VPS45: variants seen among roughly 807,000 people sequenced by gnomAD.
VPS45 encodes the protein vacuolar protein sorting-associated protein 45.
A neutral mutation model predicts 75.9 loss-of-function variants in VPS45; 35 were observed. The ratio of observed to expected loss-of-function variants is 0.46; its 90% confidence interval spans 0.35 to 0.61. The LOEUF (loss-of-function observed/expected upper bound fraction) is 0.61, where lower values mean the gene tolerates loss of function less well. Ranked by LOEUF, VPS45 falls within the 20% of genes least tolerant of loss-of-function variation. The pLI is 0.00. For synonymous variants in VPS45, 220 were observed against 238.2 expected, an observed-to-expected ratio of 0.92 and a Z score of 0.70; for missense variants, 559 against 685.9, an observed-to-expected ratio of 0.81 and a Z score of 2.07.
upstream of VPS45, chr1:150,067,751 G>C: frequency 8.6e-7 from 1 of 1,165,742 alleles, no homozygotes; most frequent in Non-Finnish European, 1.3e-6. Flanking sequence ...CCCGGAAGCC[G>C]AATCCCGGCT....
At chr1:150,075,287 G>A (rs12039446) in intron 3 of VPS45, among the ~76,000 whole-genome samples, 1 of 151,944 alleles carries the variant, frequency 6.6e-6, no homozygotes, top group African/African-American at 2.4e-5. Flanking sequence ...ATTTATTGAA[G>A]AAACTGTTAA....
intron 13 of VPS45, among the ~76,000 whole-genome samples, chr1:150,101,663 G>A (rs1657015894): frequency 1.3e-5 from 2 of 152,014 alleles, no homozygotes; most frequent in Admixed American, 1.3e-4. Flanking sequence ...GAACCCGGGA[G>A]GCAAAGGTTG....
chr1:150,141,215 T>C (rs1659376652), intron 14 of VPS45, among the ~76,000 whole-genome samples: 1 of 152,236 alleles, frequency 6.6e-6, no homozygotes, highest in Non-Finnish European at 1.5e-5. Flanking sequence ...GTTTTTCTCA[T>C]TATTTTCCTG....
intron 2 of VPS45, among the ~76,000 whole-genome samples, chr1:150,069,040 C>T (rs1321207165): frequency 3.3e-5 from 5 of 152,202 alleles, no homozygotes; most frequent in African/African-American, 9.7e-5. Flanking sequence ...TACTTTATTC[C>T]TGGATTAACC....
chr1:150,068,185 T>C (rs587635456), intron 1 of VPS45: 1 of 500,348 alleles, frequency 2.0e-6, no homozygotes, highest in East Asian at 3.3e-5. Context: ...TCAGAAATCC[T>C]TTTCTAAATG....
intron 14 of VPS45, among the ~76,000 whole-genome samples, chr1:150,136,597 A>T (rs1553813793): frequency 6.6e-6 from 1 of 152,040 alleles, no homozygotes; most frequent in Non-Finnish European, 1.5e-5. Flanking sequence ...TCATGTACAG[A>T]AGTTAAACAA....
At chr1:150,143,711 G>T (rs1553815931) in intron 14 of VPS45, among the ~76,000 whole-genome samples, 2 of 152,306 alleles carry the variant, frequency 1.3e-5, no homozygotes, top group African/African-American at 4.8e-5. Context: ...GGGCATGGAT[G>T]GCATAGAGGC....
At chr1:150,115,786 G>GGTCTC (rs59554563) in intron 14 of VPS45, among the ~76,000 whole-genome samples, 3,258 of 152,052 alleles carry the variant, frequency 0.021, 96 homozygotes, top group African/African-American at 0.074. Context: ...TTTCAGTGAG[G>GGTCTC]GTCTCTATAT....
At chr1:150,082,670 A>G in intron 9 of VPS45, 46 bp from the exon 10 acceptor site, 1 of 1,588,846 alleles carries the variant, frequency 6.3e-7, no homozygotes, top group Non-Finnish European at 8.6e-7. Flanking sequence ...GCTTATCCTC[A>G]GTCAAAAAAT....
At chr1:150,093,681 A>G (rs1213351752) in intron 13 of VPS45, 33 bp downstream of exon 13, 15 of 1,596,654 alleles carry the variant, frequency 9.4e-6, no homozygotes, top group South Asian at 3.4e-5. Context: ...AATAAAAGCC[A>G]GAAATACTGA....
At chr1:150,139,589 C>T (rs1659277785) in intron 14 of VPS45, among the ~76,000 whole-genome samples, 1 of 152,022 alleles carries the variant, frequency 6.6e-6, no homozygotes, top group African/African-American at 2.4e-5. Context: ...ACTCTGTCAC[C>T]CATGCTGGGG....
chr1:150,098,710 A>T (rs1656803099), intron 13 of VPS45: 2 of 292,280 alleles, frequency 6.8e-6, no homozygotes, highest in Admixed American at 6.0e-5. Flanking sequence ...ACTGGTGGAA[A>T]TTTTTTTAGC....
At chr1:150,083,423 C>G (rs1189646787) in intron 10 of VPS45, 2 of 151,972 alleles carry the variant, frequency 1.3e-5, no homozygotes, top group African/African-American at 2.4e-5. Context: ...AATAAGATAC[C>G]ACATTACAGT....
At chr1:150,141,683 G>A (rs1481798492) in intron 14 of VPS45, among the ~76,000 whole-genome samples, 2 of 152,224 alleles carry the variant, frequency 1.3e-5, no homozygotes, top group Admixed American at 1.3e-4. Context: ...ACTAAAAAAA[G>A]CAGTAGCATT....
At chr1:150,095,657 T>C (rs1456647819) in intron 13 of VPS45, among the ~76,000 whole-genome samples, 3 of 148,366 alleles carry the variant, frequency 2.0e-5, no homozygotes, top group African/African-American at 7.4e-5. Flanking sequence ...AGAGAAAGCA[T>C]CCAAAGCAGA....
intron 3 of VPS45, among the ~76,000 whole-genome samples, chr1:150,075,119 CG>C (rs1312958833): frequency 7.7e-6 from 1 of 130,548 alleles, no homozygotes; most frequent in Non-Finnish European, 1.5e-5. Context: ...AACCATTCAG[CG>C]TTCAAATTTA....
chr1:150,072,290 C>A, intron 3 of VPS45, 64 bp downstream of exon 3: 1 of 1,120,338 alleles, frequency 8.9e-7, no homozygotes, highest in Non-Finnish European at 1.3e-6. Context: ...TTTCATTGAG[C>A]CCTTCATATC....
chr1:150,102,604 T>C (rs1657104865), intron 13 of VPS45, among the ~76,000 whole-genome samples: 2 of 149,342 alleles, frequency 1.3e-5, no homozygotes. Flanking sequence ...TTCACAATAG[T>C]TAAGACACGG....
At chr1:150,105,135 A>G (rs1470194981) in intron 13 of VPS45, among the ~76,000 whole-genome samples, 4 of 152,186 alleles carry the variant, frequency 2.6e-5, no homozygotes, top group Non-Finnish European at 5.9e-5. Context: ...CCAAAATAGT[A>G]AGAGCCATAT....
Sources: allele counts gnomAD v4.1 joint callset (sites outside exome capture counted in the v4.1 genomes callset), GRCh38; gene constraint gnomAD v4.1.1; transcripts MANE v1.5; gene names NCBI Gene and HGNC (gene_info 2026-07-23, HGNC 2026-07-21).